APBA1: variants seen among roughly 807,000 people sequenced by gnomAD.
APBA1 encodes the protein amyloid beta precursor protein binding family A member 1.
In APBA1, 55 loss-of-function variants were observed where a neutral mutation model predicts 86.6. That is an observed-to-expected ratio of 0.64 (90% CI 0.51 to 0.80). APBA1 has a LOEUF of 0.80. APBA1 is among the 30% of genes least tolerant of loss of function. The probability of loss-of-function intolerance (pLI) is 0.00; values close to 1 mark genes in which losing one functional copy is unlikely to be tolerated. For missense variants in APBA1, 1,090 were observed against 1,183.0 expected (o/e 0.92, Z 1.15); for synonymous variants, 511 against 493.9 (o/e 1.03, Z -0.46).
chr9:69,450,726 A>G (rs1834993078), intron 9 of APBA1, among the ~76,000 whole-genome samples: 1 of 152,166 alleles, frequency 6.6e-6, no homozygotes, highest in African/African-American at 2.4e-5. Context: ...GTCTTAGCAG[A>G]GGTAACCAAT....
At chr9:69,472,055 C>T (rs1835374607) in intron 3 of APBA1, among the ~76,000 whole-genome samples, 2 of 152,140 alleles carry the variant, frequency 1.3e-5, no homozygotes, top group South Asian at 4.1e-4. Context: ...AGTGAAAGCA[C>T]CAATGCTATG....
intron 1 of APBA1, among the ~76,000 whole-genome samples, chr9:69,549,708 G>A (rs1836755482): frequency 6.6e-6 from 1 of 152,016 alleles, no homozygotes; most frequent in Non-Finnish European, 1.5e-5. Context: ...AAGTGTCCGA[G>A]GAAGAAGAAA....
intron 1 of APBA1, among the ~76,000 whole-genome samples, chr9:69,546,045 A>T (rs1234060843): frequency 1.3e-5 from 2 of 152,250 alleles, no homozygotes; most frequent in Admixed American, 6.5e-5. Context: ...AAATTATACA[A>T]GATAAATTTA....
rs376385614 is a variant in APBA1, at chr9:69,512,070, TAATAAATA to T, written c.1200+3933_1200+3940del. Among the ~76,000 whole-genome samples, 495 of 148,454 alleles carry T rather than the reference TAATAAATA, an allele frequency of 3.3e-3. 2 individuals carry two copies. The highest frequency in any genetic ancestry group is 0.012 in the African/African-American group (463 of 40,188). On this transcript the variant is annotated intron_variant, in intron 2 of 12. Coordinates refer to ENST00000265381, the MANE Select transcript of APBA1 (RefSeq NM_001163.4). ...CACATGTACCCTAAAACTTAAAGTA[TAATAAATA>T]AATAAATAAATAAATAAAAAGAAAA...
At chr9:69,646,931 A>G (rs967168740) in intron 1 of APBA1, among the ~76,000 whole-genome samples, 1 of 152,210 alleles carries the variant, frequency 6.6e-6, no homozygotes, top group African/African-American at 2.4e-5. Flanking sequence ...AAGTCCTGAG[A>G]CACAGGGGAA....
At chr9:69,487,254 T>A (rs541639382) in intron 2 of APBA1, among the ~76,000 whole-genome samples, 1 of 152,036 alleles carries the variant, frequency 6.6e-6, no homozygotes, top group Non-Finnish European at 1.5e-5. Context: ...AAGTGAGTTC[T>A]ATGTGGGCCA....
chr9:69,449,506 A>G (rs998291047), intron 10 of APBA1, 78 bp downstream of exon 10: 10 of 1,312,206 alleles, frequency 7.6e-6, no homozygotes, highest in Admixed American at 1.7e-5. Flanking sequence ...GTTCATATAC[A>G]TTAATGACTG....
chr9:69,658,370 GTCTC>G (rs1357618764), intron 1 of APBA1, among the ~76,000 whole-genome samples: 2 of 121,876 alleles, frequency 1.6e-5, no homozygotes, highest in African/African-American at 6.1e-5. Flanking sequence ...GTGTTTCTCT[GTCTC>G]TCTTTCTCTC....
At chr9:69,533,490 G>T (rs1003549383) in intron 1 of APBA1, among the ~76,000 whole-genome samples, 2 of 152,106 alleles carry the variant, frequency 1.3e-5, no homozygotes, top group Non-Finnish European at 2.9e-5. Context: ...TTTGAGGAAG[G>T]GCTGATGAGC....
At position 69,516,584 on chromosome 9, in the gene APBA1, T is replaced by A. The variant is rs1836156092; in HGVS notation, c.627A>T (p.Ala209=). ...EEIGDAPELD[A]RDGLRLYEQE... ...GCTCGTAGAGCCGCAGGCCGTCGCG[T>A]GCGTCCAGCTCGGGCGCGTCCCCTA... Residue 209 remains alanine (A), a synonymous_variant, in exon 2 of 13, where the codon GCA becomes GCT. Transcript: ENST00000265381. The surrounding 1 kb of genome is among the most constrained non-coding windows in gnomAD (Gnocchi z 7.3). The A allele has an allele frequency of 6.2e-7, 1 of 1,602,530 alleles. No homozygotes were observed. Among genetic ancestry groups the A allele is most frequent in the Non-Finnish European group, 8.5e-7 (1 of 1,179,020 alleles).
At chr9:69,570,497 A>C (rs537942521) in intron 1 of APBA1, among the ~76,000 whole-genome samples, 75 of 152,312 alleles carry the variant, frequency 4.9e-4, no homozygotes, top group Non-Finnish European at 9.3e-4. Flanking sequence ...AAATAGTTTG[A>C]TCCTCTTTAA....
chr9:69,513,399 GGCC>G (rs1001271302), intron 2 of APBA1, among the ~76,000 whole-genome samples: 49 of 152,236 alleles, frequency 3.2e-4, no homozygotes, highest in African/African-American at 1.2e-3. Flanking sequence ...TGAAGGAAGA[GGCC>G]AGCATCTGGA....
chr9:69,513,110 C>T (rs189842679), intron 2 of APBA1, among the ~76,000 whole-genome samples: 1 of 152,158 alleles, frequency 6.6e-6, no homozygotes, highest in Non-Finnish European at 1.5e-5. Context: ...TTCAGTTTCA[C>T]TTTATATTAA....
chr9:69,534,286 A>G (rs761010649), intron 1 of APBA1, among the ~76,000 whole-genome samples: 4 of 152,206 alleles, frequency 2.6e-5, no homozygotes, highest in South Asian at 2.1e-4. Context: ...ACCCTTCACA[A>G]TACAGCATTG....
chr9:69,531,337 C>G (rs1836430720), intron 1 of APBA1, among the ~76,000 whole-genome samples: 1 of 152,096 alleles, frequency 6.6e-6, no homozygotes, highest in South Asian at 2.1e-4. Context: ...CCTTCATCAC[C>G]CTGTTCAACA....
intron 1 of APBA1, among the ~76,000 whole-genome samples, chr9:69,653,166 G>C (rs1823541227): frequency 1.3e-5 from 2 of 152,102 alleles, no homozygotes; most frequent in Non-Finnish European, 2.9e-5. Flanking sequence ...ACCTATGTTA[G>C]AGAAAGTAGA....
intron 1 of APBA1, among the ~76,000 whole-genome samples, chr9:69,547,662 T>C (rs1476009359): frequency 6.6e-6 from 1 of 152,256 alleles, no homozygotes; most frequent in Non-Finnish European, 1.5e-5. Flanking sequence ...ATTGTATTAA[T>C]TGTCCATTTT....
At chr9:69,613,041 C>T (rs58024712) in intron 1 of APBA1, among the ~76,000 whole-genome samples, 1 of 151,998 alleles carries the variant, frequency 6.6e-6, no homozygotes, top group East Asian at 1.9e-4. Context: ...AGCCTGTTGT[C>T]GAACATCTGT....
intron 2 of APBA1, among the ~76,000 whole-genome samples, chr9:69,491,639 G>A (rs905293510): frequency 7.3e-5 from 11 of 151,044 alleles, no homozygotes; most frequent in African/African-American, 2.7e-4. Context: ...CAACTCCTAA[G>A]ACAATGGGTT....
Sources: gnomAD v4.1 joint callset for allele counts (sites outside exome capture counted in the v4.1 genomes callset) on GRCh38, gnomAD v4.1.1 for gene constraint, Gnocchi (gnomAD v3.1) non-coding constraint, MANE v1.5 for transcripts, NCBI Gene and HGNC (gene_info 2026-07-23, HGNC 2026-07-21) for gene names.